Variants in DLGAP1 observed in about 807,000 individuals in gnomAD.
DLGAP1 encodes the protein disks large-associated protein 1.
In DLGAP1, 11 loss-of-function variants were observed where a neutral mutation model predicts 90.8. The observed-to-expected ratio is 0.12, with a 90% confidence interval of 0.08 to 0.20. The LOEUF (loss-of-function observed/expected upper bound fraction) is 0.20. Ranked by LOEUF, DLGAP1 falls within the 10% of genes least tolerant of loss-of-function variation. DLGAP1 has a pLI of 1.00. For synonymous variants in DLGAP1, 558 were observed against 540.7 expected (o/e 1.03, Z -0.44); for missense variants, 1,050 against 1,333.8 (o/e 0.79, Z 3.31).
intron 2 of DLGAP1, among the ~76,000 whole-genome samples, chr18:4,110,811 A>G (rs2075959168): frequency 6.6e-6 from 1 of 152,160 alleles, no homozygotes; most frequent in African/African-American, 2.4e-5. Context: ...CTCTTTGCAC[A>G]TTTTGTTAAT....
chr18:3,956,130 A>G (rs2073078079), intron 3 of DLGAP1, among the ~76,000 whole-genome samples: 1 of 152,206 alleles, frequency 6.6e-6, no homozygotes, highest in South Asian at 2.1e-4. Flanking sequence ...TCACAATCAA[A>G]CTGTATAAAG....
At chr18:3,761,163 A>C (rs773570389) in intron 5 of DLGAP1, among the ~76,000 whole-genome samples, 2 of 152,182 alleles carry the variant, frequency 1.3e-5, no homozygotes, top group Non-Finnish European at 2.9e-5. Flanking sequence ...ATTTTTGTGC[A>C]ATCACTGCCA....
chr18:4,209,774 T>C (rs1398181823), intron 1 of DLGAP1, among the ~76,000 whole-genome samples: 2 of 152,192 alleles, frequency 1.3e-5, no homozygotes, highest in African/African-American at 4.8e-5. Flanking sequence ...AAGATCTATG[T>C]TAGGTGGAGT....
chr18:3,941,561 C>A (rs1422534578), intron 3 of DLGAP1, among the ~76,000 whole-genome samples: 4 of 152,182 alleles, frequency 2.6e-5, no homozygotes, highest in African/African-American at 4.8e-5. Flanking sequence ...ATTATAAAAT[C>A]AGAAGCCTGG....
rs1006454625 is a variant in DLGAP1 at position 4,383,399 on chromosome 18, T to C, written c.-267+71607A>G. ...CATTAGCATTCATTTTCCTTTTCCT[T>C]ACATAATTAAATTTTGAAAATATAA... is the stretch of plus-strand genomic sequence containing the variant. On this transcript the variant is annotated intron_variant, in intron 1 of 12. Transcript: ENST00000315677. The surrounding 1 kb of genome is among the most constrained non-coding windows in gnomAD (Gnocchi z 4.0). Among the ~76,000 whole-genome samples the C allele has an allele frequency of 8.5e-5, 13 of 152,112 alleles. No individual in the cohort carries two copies. The highest frequency in any genetic ancestry group is 1.9e-4 in the Non-Finnish European group (13 of 67,996).
At chr18:3,844,755 C>T (rs2068912895) in intron 4 of DLGAP1, among the ~76,000 whole-genome samples, 1 of 152,190 alleles carries the variant, frequency 6.6e-6, no homozygotes, top group Admixed American at 6.5e-5. Context: ...TTACTACCTT[C>T]TCTAGAATAA....
chr18:3,956,460 T>C (rs1295524726), intron 3 of DLGAP1, among the ~76,000 whole-genome samples: 1 of 151,936 alleles, frequency 6.6e-6, no homozygotes, highest in East Asian at 1.9e-4. Flanking sequence ...GCCATTCTCC[T>C]GCCTCAGCCT....
chr18:3,995,190 T>C (rs1463195882), intron 3 of DLGAP1: 1 of 152,138 alleles, frequency 6.6e-6, no homozygotes, highest in African/African-American at 2.4e-5. Flanking sequence ...TATGGATTAA[T>C]TACTTAATAC....
chr18:3,910,121 C>T (rs1223938933), intron 3 of DLGAP1, among the ~76,000 whole-genome samples: 1 of 150,026 alleles, frequency 6.7e-6, no homozygotes, highest in Non-Finnish European at 1.5e-5. Context: ...TGAATACCTG[C>T]TGTCGGCTAT....
chr18:3,815,965 G>A (rs774091326), intron 4 of DLGAP1, among the ~76,000 whole-genome samples: 44 of 152,118 alleles, frequency 2.9e-4, no homozygotes, highest in Non-Finnish European at 5.6e-4. Flanking sequence ...ATCCAGGAAA[G>A]GCTCCCTGGA....
intron 5 of DLGAP1, among the ~76,000 whole-genome samples, chr18:3,795,253 T>C (rs1255059713): frequency 6.6e-6 from 1 of 152,202 alleles, no homozygotes; most frequent in Non-Finnish European, 1.5e-5. Flanking sequence ...GATTTTCTTA[T>C]TGGAAACTAA....
At chr18:3,704,718 C>T (rs1346638225) in intron 7 of DLGAP1, among the ~76,000 whole-genome samples, 4 of 152,080 alleles carry the variant, frequency 2.6e-5, no homozygotes, top group African/African-American at 9.6e-5. Flanking sequence ...TGACTCATGC[C>T]TCTCCACTTC....
intron 1 of DLGAP1, among the ~76,000 whole-genome samples, chr18:4,302,134 T>C (rs1333041924): frequency 6.6e-6 from 1 of 152,212 alleles, no homozygotes; most frequent in East Asian, 1.9e-4. Flanking sequence ...GCAGAAGCTG[T>C]TTAGTTTGAT....
At chr18:3,773,394 T>G (rs953948608) in intron 5 of DLGAP1, among the ~76,000 whole-genome samples, 1 of 152,218 alleles carries the variant, frequency 6.6e-6, no homozygotes, top group African/African-American at 2.4e-5. Context: ...TAACTATTGT[T>G]GGCAGCAAGA....
intron 3 of DLGAP1, among the ~76,000 whole-genome samples, chr18:3,993,685 T>A (rs924814828): frequency 2.0e-5 from 3 of 152,166 alleles, no homozygotes; most frequent in Non-Finnish European, 4.4e-5. Flanking sequence ...ATGACGAGTT[T>A]AGCAGGGGCT....
intron 8 of DLGAP1, 71 bp downstream of exon 8, chr18:3,581,804 G>A (rs1482063126): frequency 1.5e-5 from 24 of 1,563,150 alleles, no homozygotes; most frequent in African/African-American, 5.4e-5. Flanking sequence ...CAAATCTTCC[G>A]GGGAAACAAA....
chr18:4,301,369 A>G (rs551123761), intron 1 of DLGAP1, among the ~76,000 whole-genome samples: 2 of 152,324 alleles, frequency 1.3e-5, no homozygotes, highest in African/African-American at 2.4e-5. Context: ...TTCTACACAA[A>G]GTGAGAATGT....
intron 1 of DLGAP1, among the ~76,000 whole-genome samples, chr18:4,214,582 A>G (rs2077913016): frequency 6.6e-6 from 1 of 152,168 alleles, no homozygotes; most frequent in African/African-American, 2.4e-5. Context: ...AAATCTTAGC[A>G]TTGATTTACA....
At chr18:4,396,893 A>C (rs2144492081) in intron 1 of DLGAP1, among the ~76,000 whole-genome samples, 1 of 152,290 alleles carries the variant, frequency 6.6e-6, no homozygotes, top group Non-Finnish European at 1.5e-5. Context: ...TTGCTCTCTA[A>C]GCTAATTAGA....
Sources: allele counts gnomAD v4.1 joint callset (sites outside exome capture counted in the v4.1 genomes callset), GRCh38; gene constraint gnomAD v4.1.1; non-coding constraint Gnocchi (gnomAD v3.1); transcripts MANE v1.5; gene names NCBI Gene and HGNC (gene_info 2026-07-23, HGNC 2026-07-21).